PTPN4: variants seen among roughly 807,000 people sequenced by gnomAD.
PTPN4 encodes tyrosine-protein phosphatase non-receptor type 4.
Under a neutral mutation model 135.5 loss-of-function variants are expected in PTPN4, and 49 were observed. That is an observed-to-expected ratio of 0.36 (90% CI 0.29 to 0.46). The LOEUF is 0.46. PTPN4 is among the 20% of genes least tolerant of loss of function. The pLI, the probability that PTPN4 is intolerant of heterozygous loss-of-function variation, is 1.00. For synonymous variants in PTPN4, 333 were observed against 369.9 expected, an observed-to-expected ratio of 0.90 and a Z score of 1.14; for missense variants, 860 against 1,101.0, an observed-to-expected ratio of 0.78 and a Z score of 3.10.
chr2:119,929,171 A>T (rs1027179035), intron 13 of PTPN4, among the ~76,000 whole-genome samples: 1 of 152,086 alleles, frequency 6.6e-6, no homozygotes, highest in African/African-American at 2.4e-5. Flanking sequence ...TGAGGTTGTA[A>T]TAGTACTGGG....
At chr2:119,788,461 A>G (rs959939121) in intron 1 of PTPN4, among the ~76,000 whole-genome samples, 1 of 152,196 alleles carries the variant, frequency 6.6e-6, no homozygotes, top group Non-Finnish European at 1.5e-5. Context: ...AAATTTACTA[A>G]AATTTACCAT....
intron 2 of PTPN4, among the ~76,000 whole-genome samples, chr2:119,861,933 CT>C (rs1428222349): frequency 6.6e-6 from 1 of 152,068 alleles, no homozygotes; most frequent in Non-Finnish European, 1.5e-5. Context: ...ATTAGCAATC[CT>C]TTATCAGTTT....
chr2:119,765,914 C>G (rs1574321196), intron 1 of PTPN4, among the ~76,000 whole-genome samples: 1 of 150,370 alleles, frequency 6.7e-6, no homozygotes, highest in South Asian at 2.1e-4. Flanking sequence ...GTGTGTGAAT[C>G]TGTGTGTGTG....
intron 9 of PTPN4, among the ~76,000 whole-genome samples, chr2:119,888,480 G>C (rs1678192104): frequency 6.6e-6 from 1 of 152,006 alleles, no homozygotes; most frequent in Non-Finnish European, 1.5e-5. Context: ...TTGACTTTGG[G>C]TTTGTCATAT....
chr2:119,890,650 CT>C (rs755209773), intron 9 of PTPN4, among the ~76,000 whole-genome samples: 49 of 151,960 alleles, frequency 3.2e-4, no homozygotes, highest in Non-Finnish European at 5.9e-4. Context: ...TGTTTGAGTC[CT>C]TTCTCTTCCT....
chr2:119,787,155 ATCT>A (rs1422670980), intron 1 of PTPN4, among the ~76,000 whole-genome samples: 1 of 152,122 alleles, frequency 6.6e-6, no homozygotes, highest in Non-Finnish European at 1.5e-5. Flanking sequence ...GCATTTACAA[ATCT>A]TCTCCTGGGC....
intron 15 of PTPN4, among the ~76,000 whole-genome samples, chr2:119,938,181 G>A (rs1679012408): frequency 1.4e-5 from 2 of 139,084 alleles, no homozygotes; most frequent in Admixed American, 7.8e-5. Flanking sequence ...AGGCTGGAGT[G>A]CAGTGGCACA....
intron 10 of PTPN4, among the ~76,000 whole-genome samples, chr2:119,914,235 C>T (rs1678615058): frequency 7.8e-6 from 1 of 127,984 alleles, no homozygotes; most frequent in Non-Finnish European, 1.6e-5. Context: ...TAAATACAGT[C>T]AATAGTTACT....
intron 1 of PTPN4, among the ~76,000 whole-genome samples, chr2:119,771,940 T>A (rs1418555869): frequency 2.0e-5 from 3 of 152,214 alleles, no homozygotes; most frequent in Non-Finnish European, 4.4e-5. Flanking sequence ...TCATATCTGA[T>A]CAGAATTCTT....
In PTPN4 at chr2:119,759,998, G is replaced by C. The variant is rs1690447450; in HGVS notation, c.-404G>C. 1 of 380,928 alleles carries C rather than the reference G, an allele frequency of 2.6e-6. No individual in the cohort carries two copies. The highest frequency in any genetic ancestry group is 3.8e-5 in the East Asian group (1 of 26,462). 23.6% of individuals were successfully genotyped at this position (380,928 alleles called of 1,614,324 possible). A position where few individuals can be genotyped will look rare whatever the true frequency, so the allele number is the denominator to read the frequency against. ...CCCACCACCAACATTGTTCTCTCAG[G>C]ACTCCTGGGTCCCAGGGGCCGGAAT... On this transcript the variant is annotated 5_prime_UTR_variant, in exon 1 of 27. Transcript: ENST00000263708.
rs1047438432 is a variant in PTPN4, at chr2:119,977,461, G to C, written c.*391G>C. 1 of 159,310 alleles carries C rather than the reference G, an allele frequency of 6.3e-6. No homozygotes were observed. Among genetic ancestry groups the C allele is most frequent in the Non-Finnish European group, 1.4e-5 (1 of 72,730 alleles). The allele number at this position is 159,310 out of a possible 1,614,324, so 9.9% of individuals were successfully genotyped here. ...GAAGTAAACATCAGGAGTCAGCTCT[G>C]GTCTTTTGCAGTGGTTTGCGTACTT... On this transcript the variant is annotated 3_prime_UTR_variant, in exon 27 of 27. Coordinates refer to ENST00000263708, the MANE Select transcript of PTPN4 (RefSeq NM_002830.4).
chr2:119,814,050 CATCT>C (rs1466589688), intron 2 of PTPN4, among the ~76,000 whole-genome samples: 1 of 152,096 alleles, frequency 6.6e-6, no homozygotes, highest in South Asian at 2.1e-4. Flanking sequence ...GACACACACA[CATCT>C]ATCTTTTAAA....
chr2:119,910,738 C>A (rs1411754515), intron 10 of PTPN4, among the ~76,000 whole-genome samples: 1 of 152,102 alleles, frequency 6.6e-6, no homozygotes, highest in African/African-American at 2.4e-5. Flanking sequence ...CTCCTTCCTG[C>A]TGCCTTGTGA....
intron 2 of PTPN4, among the ~76,000 whole-genome samples, chr2:119,831,426 CTATTATT>C (rs1241931429): frequency 6.6e-6 from 1 of 152,160 alleles, no homozygotes; most frequent in Non-Finnish European, 1.5e-5. Context: ...TTTGGACTCT[CTATTATT>C]TTTTGTTCCA....
chr2:119,826,546 G>C lies in PTPN4; in HGVS notation c.138+16555G>C, dbSNP rs546473931. ...TTTTGTTGTCACAGTTGGATGGTGG[G>C]TGCTACTGGCCTCTAGTGGCTAGAA... On this transcript the variant is annotated intron_variant, in intron 2 of 26. Transcript: ENST00000263708. Among the ~76,000 whole-genome samples the C allele has an allele frequency of 7.9e-5, 12 of 152,266 alleles. No homozygotes were observed. The East Asian group carries it at 1.4e-3, about 17-fold the overall frequency.
chr2:119,935,035 T>C, intron 15 of PTPN4, 77 bp downstream of exon 15: 2 of 1,430,108 alleles, frequency 1.4e-6, no homozygotes, highest in South Asian at 2.6e-5. Flanking sequence ...TCTGGGAAAT[T>C]AGGATATTCG....
At chr2:119,765,349 T>A (rs1690595933) in intron 1 of PTPN4, among the ~76,000 whole-genome samples, 1 of 152,230 alleles carries the variant, frequency 6.6e-6, no homozygotes, top group South Asian at 2.1e-4. Context: ...TTACATTTTG[T>A]TAAGCGGTTT....
chr2:119,768,508 G>A (rs570580982), intron 1 of PTPN4, among the ~76,000 whole-genome samples: 31 of 152,232 alleles, frequency 2.0e-4, no homozygotes, highest in African/African-American at 7.0e-4. Flanking sequence ...CCTATGTACA[G>A]GTATTTTATA....
In PTPN4 at chr2:119,958,596, T is replaced by C. The variant is rs533917042; in HGVS notation, c.2133+1519T>C. ...ATGTCAGTTGAGTTAATTCTCACCATTCGATGTTGTCATGCTCTAGAAAGT... is the reference window on the plus strand; with the variant it reads ...ATGTCAGTTGAGTTAATTCTCACCACTCGATGTTGTCATGCTCTAGAAAGT... On this transcript the variant is annotated intron_variant, in intron 22 of 26. Coordinates refer to ENST00000263708, the MANE Select transcript of PTPN4 (RefSeq NM_002830.4). 4.6e-5 allele frequency among the ~76,000 whole-genome samples: 7 copies of C among 152,298 alleles called. No individual in the cohort carries two copies. In the East Asian group the frequency reaches 1.4e-3, roughly 29 times the overall value.
Sources: allele counts gnomAD v4.1 joint callset (sites outside exome capture counted in the v4.1 genomes callset), GRCh38; gene constraint gnomAD v4.1.1; transcripts MANE v1.5; gene names NCBI Gene and HGNC (gene_info 2026-07-23, HGNC 2026-07-21).